CCSER2: variants seen among roughly 807,000 people sequenced by gnomAD.
The protein encoded by CCSER2 is coiled-coil serine rich protein 2.
A neutral mutation model predicts 92.3 loss-of-function variants in CCSER2; 46 were observed. That is an observed-to-expected ratio of 0.50 (90% confidence interval 0.39 to 0.64). The LOEUF is 0.64. CCSER2 is among the 30% of genes least tolerant of loss of function. The probability of loss-of-function intolerance (pLI) is 0.00; values close to 1 mark genes in which losing one functional copy is unlikely to be tolerated. For synonymous variants in CCSER2, 433 were observed against 431.4 expected (o/e 1.00, Z -0.04); for missense variants, 1,244 against 1,238.9 (o/e 1.00, Z -0.06).
rs573009687 is a variant in CCSER2, at chr10:84,484,473, A to T, written c.2325+6809A>T. Among the ~76,000 whole-genome samples the T allele has an allele frequency of 4.2e-5, 6 of 143,976 alleles. No homozygotes were observed. The South Asian group carries it at 1.1e-3, about 26-fold the overall frequency. The allele number at this position is 143,976 out of a possible 152,430, so 94.5% of individuals were successfully genotyped here. ...ATTTATTTCTCTGGAGAGACGTTGC[A>T]TGCATGTGTGCATGCACGTGTGTGT... is the stretch of plus-strand genomic sequence containing the variant. On this transcript the variant is annotated intron_variant, in intron 9 of 9. Transcript: ENST00000372088.
At chr10:84,392,584 A>G (rs2133266902) in intron 3 of CCSER2, among the ~76,000 whole-genome samples, 1 of 152,200 alleles carries the variant, frequency 6.6e-6, no homozygotes, top group Admixed American at 6.5e-5. Flanking sequence ...ATTGATGAAG[A>G]ACTGCACAAA....
At chr10:84,486,842 G>A (rs1847838079) in intron 9 of CCSER2, among the ~76,000 whole-genome samples, 1 of 152,182 alleles carries the variant, frequency 6.6e-6, no homozygotes, top group Non-Finnish European at 1.5e-5. Flanking sequence ...GAATGGTACT[G>A]CCTAGGCTTT....
chr10:84,472,258 G>A (rs372740841), intron 8 of CCSER2, among the ~76,000 whole-genome samples: 5 of 152,110 alleles, frequency 3.3e-5, no homozygotes, highest in African/African-American at 4.8e-5. Flanking sequence ...AAAATGGCAC[G>A]ATAAGGCTGA....
chr10:84,510,801 G>A (rs924390413), intron 9 of CCSER2, among the ~76,000 whole-genome samples: 63 of 152,134 alleles, frequency 4.1e-4, no homozygotes, highest in Admixed American at 4.1e-3. Flanking sequence ...GGTAATTAGC[G>A]GCAATCCAGT....
chr10:84,376,550 T>G (rs1846347302), intron 3 of CCSER2, among the ~76,000 whole-genome samples: 1 of 152,188 alleles, frequency 6.6e-6, no homozygotes, highest in African/African-American at 2.4e-5. Context: ...TCTTTACTCT[T>G]GTATCATATT....
intron 8 of CCSER2, among the ~76,000 whole-genome samples, chr10:84,476,371 A>C (rs1847135789): frequency 6.7e-6 from 1 of 150,136 alleles, no homozygotes; most frequent in African/African-American, 2.4e-5. Flanking sequence ...ATCTACCTCC[A>C]GTGAGGTTGT....
At chr10:84,499,850 C>A in intron 9 of CCSER2, 1 of 1,613,090 alleles carries the variant, frequency 6.2e-7, no homozygotes, top group Non-Finnish European at 8.5e-7. Context: ...TATTATACCT[C>A]CCTACCCCAT....
chr10:84,416,467 G>GA lies in CCSER2; in HGVS notation c.1615-1295dup, dbSNP rs953770749. ...ATTCTGCAATGGAGTTTTTAAAAAT[G>GA]AAAAAAAAATTTCCAGAGATTTTGT... On this transcript the variant is annotated intron_variant, in intron 3 of 9. Coordinates refer to ENST00000372088, the MANE Select transcript of CCSER2 (RefSeq NM_001284240.2). 1.4e-4 allele frequency among the ~76,000 whole-genome samples: 21 copies of GA among 150,894 alleles called. 1 individual carries two copies. In the South Asian group the frequency reaches 2.3e-3, roughly 17 times the overall value.
intron 1 of CCSER2, among the ~76,000 whole-genome samples, chr10:84,361,067 G>C (rs775927803): frequency 3.9e-5 from 6 of 152,284 alleles, no homozygotes; most frequent in Non-Finnish European, 8.8e-5. Context: ...AGGGAAGTGA[G>C]AGGGTTTGTG....
At chr10:84,496,030 T>C (rs1848431671) in intron 9 of CCSER2, among the ~76,000 whole-genome samples, 1 of 151,528 alleles carries the variant, frequency 6.6e-6, no homozygotes, top group Non-Finnish European at 1.5e-5. Context: ...ATTCTATTTT[T>C]ATTTATATAT....
chr10:84,443,549 G>A (rs941866598), intron 6 of CCSER2, among the ~76,000 whole-genome samples: 2 of 152,188 alleles, frequency 1.3e-5, no homozygotes, highest in Non-Finnish European at 2.9e-5. Context: ...TGGTGGGAGT[G>A]TAAATTAGTT....
chr10:84,471,020 A>G (rs1846759359), intron 8 of CCSER2, among the ~76,000 whole-genome samples: 2 of 152,108 alleles, frequency 1.3e-5, no homozygotes, highest in African/African-American at 4.8e-5. Flanking sequence ...ATTATTACTT[A>G]GTTTGTATAT....
chr10:84,456,619 G>T (rs1239736175), intron 6 of CCSER2, among the ~76,000 whole-genome samples: 1 of 152,114 alleles, frequency 6.6e-6, no homozygotes, highest in Non-Finnish European at 1.5e-5. Flanking sequence ...GGATTGCTGG[G>T]TTGTATGGTA....
chr10:84,371,284 G>A lies in CCSER2; in HGVS notation c.232G>A (p.Gly78Ser). ...AAATAAATATCAGCTTTGTGCACAA[G>A]GTGTCGAAGAGCCTAACAATACTCA... The part of the protein sequence containing the change: ...KANKYQLCAQ[G>S]VEEPNNTQNS... Residue 78 changes from glycine (G) to serine (S), a missense_variant, in exon 2 of 10, where the codon GGT (glycine) becomes AGT (serine). Coordinates refer to ENST00000372088, the MANE Select transcript of CCSER2 (RefSeq NM_001284240.2). 6.2e-7 allele frequency: 1 copy of A among 1,613,378 alleles called. No homozygotes were observed. Among genetic ancestry groups the A allele is most frequent in the Non-Finnish European group, 8.5e-7 (1 of 1,179,662 alleles).
At chr10:84,389,247 CAGACT>C in intron 3 of CCSER2, 2 of 478,862 alleles carry the variant, frequency 4.2e-6, no homozygotes, top group South Asian at 3.2e-5. Flanking sequence ...TTGCAGCCCA[CAGACT>C]AGGCAGTCCC....
intron 3 of CCSER2, among the ~76,000 whole-genome samples, chr10:84,417,418 C>T (rs375801146): frequency 2.6e-5 from 4 of 152,318 alleles, no homozygotes; most frequent in South Asian, 4.1e-4. Context: ...AACAGCCTCT[C>T]ACCTCTTATA....
intron 4 of CCSER2, among the ~76,000 whole-genome samples, chr10:84,423,602 A>G (rs1336272761): frequency 6.6e-6 from 1 of 152,166 alleles, no homozygotes; most frequent in African/African-American, 2.4e-5. Context: ...CAAATAACCT[A>G]TCAAGTGGTT....
Position 84,514,111 on chromosome 10 carries a change from C to T in CCSER2, c.2988C>T (p.Pro996=). Residue 996 remains proline (P), a synonymous_variant, in exon 10 of 10, where the codon CCC becomes CCT. Coordinates refer to ENST00000372088, the MANE Select transcript of CCSER2 (RefSeq NM_001284240.2). ...TCAAACAAAAACAAACAAACAGCCC[C>T]CAACTAGAGCCTCAAAGCTTCCAGG... ...GSFKQKQTNS[P]QLEPQSFQAK... is the part of the protein sequence containing the mutation. 1 of 1,536,190 alleles carries T rather than the reference C, an allele frequency of 6.5e-7. No individual in the cohort carries two copies. The highest frequency in any genetic ancestry group is 8.7e-7 in the Non-Finnish European group (1 of 1,146,924).
intron 3 of CCSER2, among the ~76,000 whole-genome samples, chr10:84,416,295 C>G (rs1564641786): frequency 6.6e-6 from 1 of 152,212 alleles, no homozygotes; most frequent in South Asian, 2.1e-4. Context: ...AGTGTGAGAA[C>G]CTGGATATTT....
Sources: allele counts gnomAD v4.1 joint callset (sites outside exome capture counted in the v4.1 genomes callset), GRCh38; gene constraint gnomAD v4.1.1; transcripts MANE v1.5; gene names NCBI Gene and HGNC (gene_info 2026-07-23, HGNC 2026-07-21).